NLRC5: variants seen among roughly 807,000 people sequenced by gnomAD.
NLRC5 encodes NLR family CARD domain containing 5.
A neutral mutation model predicts 206.9 loss-of-function variants in NLRC5; 114 were observed. That is an observed-to-expected ratio of 0.55 (90% CI 0.47 to 0.64). The LOEUF (loss-of-function observed/expected upper bound fraction) is 0.64. Ranked by LOEUF, NLRC5 falls within the 30% of genes least tolerant of loss-of-function variation. The probability of loss-of-function intolerance (pLI) is 0.00; values close to 1 mark genes in which losing one functional copy is unlikely to be tolerated. For missense variants in NLRC5, 2,008 were observed against 2,305.5 expected (o/e 0.87, Z 2.64); for synonymous variants, 952 against 962.8 (o/e 0.99, Z 0.21).
At chr16:57,015,639 G>T (rs1161917290) in intron 1 of NLRC5, among the ~76,000 whole-genome samples, 1 of 148,216 alleles carries the variant, frequency 6.7e-6, no homozygotes, top group African/African-American at 2.5e-5. Flanking sequence ...AATAAATAAA[G>T]GAAAGAGGCT....
intron 39 of NLRC5, chr16:57,075,843 T>C (rs1427241566): frequency 2.0e-5 from 3 of 152,392 alleles, no homozygotes; most frequent in Non-Finnish European, 4.4e-5. Context: ...GGAGGTTATA[T>C]CATATTGGAC....
intron 26 of NLRC5, 101 bp from the exon 27 acceptor site, chr16:57,055,332 C>T (rs888285193): frequency 9.6e-6 from 11 of 1,145,758 alleles, no homozygotes; most frequent in Non-Finnish European, 1.4e-5. Flanking sequence ...GAGTGGAGAC[C>T]CACCTGGAGC....
rs1464487686 is a variant in NLRC5 at position 57,055,371 on chromosome 16, C to G, written c.3660-62C>G. On this transcript the variant is annotated intron_variant, in intron 26 of 48. Coordinates refer to ENST00000688547, the MANE Select transcript of NLRC5 (RefSeq NM_001384950.1). ...GAGGCTGTGCCCTGGGCTAGCCAGG[C>G]CGGAGGGGGTCTCAGTGGCCAAACG... 6.0e-6 allele frequency: 9 copies of G among 1,498,576 alleles called. No individual in the cohort carries two copies. The African/African-American group carries it at 1.2e-4, about 21-fold the overall frequency. The allele number at this position is 1,498,576 out of a possible 1,614,324, so 92.8% of individuals were successfully genotyped here.
chr16:57,045,564 C>G, intron 21 of NLRC5, 72 bp downstream of exon 21: 2 of 1,469,890 alleles, frequency 1.4e-6, no homozygotes, highest in African/African-American at 1.4e-5. Context: ...GTCCCCCCAC[C>G]CCCAGACCCA....
chr16:57,013,833 T>C, intron 1 of NLRC5: 1 of 690,498 alleles, frequency 1.4e-6, no homozygotes, highest in South Asian at 1.5e-5. Context: ...GCATAAGTTA[T>C]TTCATCCGAT....
intron 2 of NLRC5, among the ~76,000 whole-genome samples, chr16:57,018,738 G>T (rs1259397086): frequency 6.6e-6 from 1 of 152,108 alleles, no homozygotes; most frequent in African/African-American, 2.4e-5. Context: ...GGTATATAAA[G>T]CACTTAGACA....
chr16:57,012,069 G>A (rs1330170937), intron 1 of NLRC5, among the ~76,000 whole-genome samples: 1 of 152,080 alleles, frequency 6.6e-6, no homozygotes, highest in Admixed American at 6.6e-5. Context: ...CTGCTCCCAG[G>A]CCCAGGCAAC....
chr16:57,043,032 C>T (rs968278999), intron 19 of NLRC5, among the ~76,000 whole-genome samples: 7 of 152,164 alleles, frequency 4.6e-5, no homozygotes, highest in Non-Finnish European at 7.4e-5. Flanking sequence ...GGTCCACACT[C>T]GCCCTACCAG....
chr16:57,061,644 A>G lies in NLRC5; in HGVS notation c.4097A>G (p.Lys1366Arg). 1 of 1,610,540 alleles carries G rather than the reference A, an allele frequency of 6.2e-7. No homozygotes were observed. Among genetic ancestry groups the G allele is most frequent in the Non-Finnish European group, 8.5e-7 (1 of 1,179,374 alleles). The change falls in exon 32 of 49, where the codon AAG (lysine) becomes AGG (arginine). Residue 1366 changes from lysine (K) to arginine (R), a missense_variant. By Grantham distance (26) the Lys-to-Arg change is conservative. Transcript: ENST00000688547. ...LTLTQCCLGQ[K>R]QLAILLSLVG... ...CTGACCCAGTGCTGCCTGGGCCAGAAGCAGCTGGCCATCCTCCTGAGCTTG... is the reference window on the plus strand; with the variant it reads ...CTGACCCAGTGCTGCCTGGGCCAGAGGCAGCTGGCCATCCTCCTGAGCTTG...
In NLRC5 at chr16:57,061,675, G is replaced by A; in HGVS notation, c.4128G>A (p.Gly1376=). The A allele has an allele frequency of 6.2e-7, 1 of 1,608,790 alleles. No homozygotes were observed. Among genetic ancestry groups the A allele is most frequent in the Non-Finnish European group, 8.5e-7 (1 of 1,179,046 alleles). ...KQLAILLSLV[G]RPAGLFSLRV... is the part of the protein sequence containing the mutation. ...TGGCCATCCTCCTGAGCTTGGTGGG[G>A]CGACCCGCAGGGCTGTTCAGCCTCA... Residue 1376 remains glycine (G), a synonymous_variant, in exon 32 of 49, where the codon GGG becomes GGA. Coordinates refer to ENST00000688547, the MANE Select transcript of NLRC5 (RefSeq NM_001384950.1).
intron 6 of NLRC5, 96 bp from the exon 7 acceptor site, chr16:57,027,976 C>T: frequency 1.4e-6 from 1 of 717,276 alleles, no homozygotes; most frequent in South Asian, 1.9e-5. Flanking sequence ...TTTGTTAGTA[C>T]TACTGTATTA....
chr16:57,031,550 T>C (rs2061889346), intron 11 of NLRC5, 87 bp downstream of exon 11: 1 of 1,246,898 alleles, frequency 8.0e-7, no homozygotes, highest in African/African-American at 1.5e-5. Flanking sequence ...ACCAAGAGAC[T>C]AGGAAGAGCT....
chr16:57,077,274 T>G (rs1310487135), intron 40 of NLRC5, 22 bp from the exon 41 acceptor site: 3 of 1,609,594 alleles, frequency 1.9e-6, no homozygotes, highest in Non-Finnish European at 2.6e-6. Context: ...AGAAGGCTGA[T>G]GAAGCTGTTT....
chr16:57,020,493 C>T (rs183873032), intron 2 of NLRC5, among the ~76,000 whole-genome samples: 2 of 105,552 alleles, frequency 1.9e-5, no homozygotes, highest in African/African-American at 7.4e-5. Context: ...GCTCACCTCC[C>T]CCTCAGCTCT....
intron 1 of NLRC5, among the ~76,000 whole-genome samples, chr16:57,009,698 A>G (rs577577122): frequency 6.6e-6 from 1 of 152,356 alleles, no homozygotes; most frequent in African/African-American, 2.4e-5. Flanking sequence ...CCAAATGTTC[A>G]TTTTTAAAAA....
At chr16:57,019,779 T>A (rs1259219216) in intron 2 of NLRC5, among the ~76,000 whole-genome samples, 1 of 152,168 alleles carries the variant, frequency 6.6e-6, no homozygotes, top group Non-Finnish European at 1.5e-5. Context: ...GATATAATAA[T>A]CTATTCTAGA....
chr16:57,077,180 C>T (rs539346655), intron 40 of NLRC5, 116 bp from the exon 41 acceptor site: 2 of 886,556 alleles, frequency 2.3e-6, no homozygotes, highest in South Asian at 3.0e-5. Context: ...GGTGATGGGG[C>T]TCTCTGTGTG....
intron 1 of NLRC5, chr16:57,013,408 G>A (rs570157608): frequency 1.9e-4 from 122 of 637,234 alleles, no homozygotes; most frequent in African/African-American, 1.8e-3. Flanking sequence ...TTCTTATTTT[G>A]AAGATTTTTT....
intron 23 of NLRC5, among the ~76,000 whole-genome samples, chr16:57,050,459 C>T (rs1460494979): frequency 1.3e-5 from 2 of 152,160 alleles, no homozygotes; most frequent in Non-Finnish European, 2.9e-5. Context: ...TTGGAGGCCC[C>T]GGAGAGGGGA....
Sources: gnomAD v4.1 joint callset for allele counts (sites outside exome capture counted in the v4.1 genomes callset) on GRCh38, gnomAD v4.1.1 for gene constraint, MANE v1.5 for transcripts, NCBI Gene and HGNC (gene_info 2026-07-23, HGNC 2026-07-21) for gene names.